Variants in BMPR2 observed in about 807,000 individuals in gnomAD.
BMPR2 encodes the protein bone morphogenetic protein receptor type-2.
BMPR2 carries 29 observed loss-of-function variants against 100.8 expected under a neutral mutation model. That is an observed-to-expected ratio of 0.29 (90% CI 0.21 to 0.39). The LOEUF (loss-of-function observed/expected upper bound fraction) is 0.39, where lower values mean the gene tolerates loss of function less well. Ranked by LOEUF, BMPR2 falls within the 10% of genes least tolerant of loss-of-function variation. BMPR2 has a pLI of 1.00. For synonymous variants in BMPR2, 382 were observed against 442.3 expected (o/e 0.86, Z 1.71); for missense variants, 1,011 against 1,274.5 (o/e 0.79, Z 3.15).
At chr2:202,492,700 CAAAAAAAAAA>C (rs1166246933) in intron 3 of BMPR2, among the ~76,000 whole-genome samples, 3 of 52,812 alleles carry the variant, frequency 5.7e-5, no homozygotes, top group Non-Finnish European at 9.4e-5. Flanking sequence ...AGCTCTGTCT[CAAAAAAAAAA>C]AAAAAAAAAA....
rs565736648 is a variant in BMPR2, at chr2:202,437,338, A to G, written c.77-27471A>G. On this transcript the variant is annotated intron_variant, in intron 1 of 12. Transcript: ENST00000374580. ...TAAATTTACCTCTTTAGGAATTTCA[A>G]CCTGACCATTTGTATCTCTTCTTAT... Among the ~76,000 whole-genome samples the G allele has an allele frequency of 7.6e-4, 114 of 150,888 alleles. 8 individuals carry two copies. The highest frequency in any genetic ancestry group is 2.7e-3 in the African/African-American group (110 of 40,188).
In BMPR2 at chr2:202,503,489, G is replaced by A. The variant is rs4338944; in HGVS notation, c.419-10230G>A. On this transcript the variant is annotated intron_variant, in intron 3 of 12. Coordinates refer to ENST00000374580, the MANE Select transcript of BMPR2 (RefSeq NM_001204.7). This position sits in a 1 kb window ranked among gnomAD's most constrained non-coding sequence, Gnocchi z 4.0. ...CCCCGCACTCGGAGCAGCCAGCCCC[G>A]GGCAATGAGGGGCTTAGCACCCAGG... Among the ~76,000 whole-genome samples the A allele has an allele frequency of 0.12, 18,118 of 152,302 alleles. 1,200 individuals are homozygous for A. Among genetic ancestry groups the A allele is most frequent in the Admixed American group, 0.14 (2,078 of 15,302 alleles).
chr2:202,544,392 G>A (rs896247459), intron 10 of BMPR2, among the ~76,000 whole-genome samples: 3 of 151,960 alleles, frequency 2.0e-5, no homozygotes, highest in Non-Finnish European at 4.4e-5. Flanking sequence ...CCTCACACTC[G>A]AGTAATAATC....
chr2:202,424,533 T>C (rs1691343627), intron 1 of BMPR2, among the ~76,000 whole-genome samples: 1 of 151,520 alleles, frequency 6.6e-6, no homozygotes. Context: ...CCGTCTCTAC[T>C]AAAAGTACAA....
intron 1 of BMPR2, among the ~76,000 whole-genome samples, chr2:202,394,742 T>C (rs1028169874): frequency 3.9e-5 from 6 of 152,140 alleles, no homozygotes; most frequent in Non-Finnish European, 2.9e-5. Flanking sequence ...GCTTTCTTTT[T>C]CATATATTTA....
rs138205822 is a variant in BMPR2, at chr2:202,461,254, A to G, written c.77-3555A>G. On this transcript the variant is annotated intron_variant, in intron 1 of 12. Transcript: ENST00000374580. ...TGTAATCCCAGCACTTTGGGAGGCC[A>G]AGGTGGGTGGATCACCTGAGGTCAG... is the stretch of plus-strand genomic sequence containing the variant. Among the ~76,000 whole-genome samples, 953 of 152,250 alleles carry G rather than the reference A, an allele frequency of 6.3e-3. 12 individuals carry two copies. Among genetic ancestry groups the G allele is most frequent in the African/African-American group, 0.021 (889 of 41,562 alleles).
chr2:202,520,446 C>T, intron 7 of BMPR2: 1 of 535,276 alleles, frequency 1.9e-6, no homozygotes, highest in Non-Finnish European at 3.3e-6. Flanking sequence ...CCTGGGCTAC[C>T]TGGAGGCTAT....
At chr2:202,454,683 A>G (rs1012674961) in intron 1 of BMPR2, among the ~76,000 whole-genome samples, 1 of 152,210 alleles carries the variant, frequency 6.6e-6, no homozygotes, top group Non-Finnish European at 1.5e-5. Context: ...TTTAATGGAC[A>G]AAACCAAAAC....
intron 1 of BMPR2, among the ~76,000 whole-genome samples, chr2:202,393,882 C>CGAGAGAGA (rs56708616): frequency 0.016 from 1,546 of 97,834 alleles, 173 homozygotes; most frequent in East Asian, 0.047. Context: ...AATGAGAGAG[C>CGAGAGAGA]GAGAGAGAGA....
chr2:202,485,802 C>T (rs1420870472), intron 3 of BMPR2, among the ~76,000 whole-genome samples: 1 of 151,864 alleles, frequency 6.6e-6, no homozygotes, highest in Non-Finnish European at 1.5e-5. Context: ...GCCTGGGCCT[C>T]CCAAAGTGCT....
At chr2:202,394,442 C>T (rs1235001576) in intron 1 of BMPR2, among the ~76,000 whole-genome samples, 1 of 151,910 alleles carries the variant, frequency 6.6e-6, no homozygotes, top group Non-Finnish European at 1.5e-5. Context: ...TAGATGCTTA[C>T]TAGAAGTAAC....
intron 3 of BMPR2, chr2:202,474,756 C>T (rs1431650054): frequency 6.6e-6 from 1 of 152,148 alleles, no homozygotes; most frequent in Non-Finnish European, 1.5e-5. Context: ...CTCCTGACCT[C>T]ATGATCCGCC....
In BMPR2 at chr2:202,436,712, T is replaced by G. The variant is rs75687070; in HGVS notation, c.77-28097T>G. Among the ~76,000 whole-genome samples, 24 of 150,624 alleles carry G rather than the reference T, an allele frequency of 1.6e-4. 3 individuals are homozygous for G. The highest frequency in any genetic ancestry group is 3.5e-4 in the African/African-American group (14 of 39,976). On this transcript the variant is annotated intron_variant, in intron 1 of 12. Coordinates refer to ENST00000374580, the MANE Select transcript of BMPR2 (RefSeq NM_001204.7). ...ACTTCTAGTTCTTTCCAAGTAATAT[T>G]TTATAATTCTAACTTATATATGTGG...
intron 1 of BMPR2, among the ~76,000 whole-genome samples, chr2:202,390,528 C>T (rs1044411822): frequency 6.6e-6 from 1 of 151,966 alleles, no homozygotes; most frequent in Non-Finnish European, 1.5e-5. Flanking sequence ...GACAGGGTTT[C>T]ACCATGTTGG....
chr2:202,524,577 C>G (rs1687874612), intron 7 of BMPR2, among the ~76,000 whole-genome samples: 1 of 151,978 alleles, frequency 6.6e-6, no homozygotes, highest in Non-Finnish European at 1.5e-5. Flanking sequence ...CCCAAGAGTT[C>G]AAGACCAACA....
chr2:202,542,838 C>T (rs1574500275), intron 10 of BMPR2, among the ~76,000 whole-genome samples: 3 of 152,114 alleles, frequency 2.0e-5, no homozygotes, highest in East Asian at 1.9e-4. Flanking sequence ...TTAGGCTAGA[C>T]CTGAAAAAAA....
Position 202,378,870 on chromosome 2 carries a change from A to G in BMPR2, c.76+1320A>G, listed in dbSNP as rs150188888. ...TGTAAAATATGGAGTAAAAGGCCTTAAACGTTCCATGAGCAGAAATCTCAG... is the reference window on the plus strand; with the variant it reads ...TGTAAAATATGGAGTAAAAGGCCTTGAACGTTCCATGAGCAGAAATCTCAG... On this transcript the variant is annotated intron_variant, in intron 1 of 12. Coordinates refer to ENST00000374580, the MANE Select transcript of BMPR2 (RefSeq NM_001204.7). Among the ~76,000 whole-genome samples, 367 of 152,316 alleles carry G rather than the reference A, an allele frequency of 2.4e-3. 2 individuals are homozygous for G. The highest frequency in any genetic ancestry group is 3.7e-3 in the Non-Finnish European group (254 of 68,026).
intron 1 of BMPR2, among the ~76,000 whole-genome samples, chr2:202,398,227 A>T (rs1014166172): frequency 6.6e-6 from 1 of 152,186 alleles, no homozygotes; most frequent in African/African-American, 2.4e-5. Context: ...CTTAAATGAG[A>T]CTGTAGATCA....
chr2:202,376,731 C>G lies in BMPR2; in HGVS notation c.-744C>G, dbSNP rs552618972. On this transcript the variant is annotated 5_prime_UTR_variant, in exon 1 of 13. Coordinates refer to ENST00000374580, the MANE Select transcript of BMPR2 (RefSeq NM_001204.7). ...CAGCCTCTCACACCCACTCCGCCTG[C>G]CGTCTCGGGGAGCCCGGACCGGGGC... Among the ~76,000 whole-genome samples, 16 of 151,060 alleles carry G rather than the reference C, an allele frequency of 1.1e-4. No homozygotes were observed. Among genetic ancestry groups the G allele is most frequent in the African/African-American group, 3.6e-4 (15 of 41,256 alleles).
Sources: allele counts gnomAD v4.1 joint callset (sites outside exome capture counted in the v4.1 genomes callset), GRCh38; gene constraint gnomAD v4.1.1; non-coding constraint Gnocchi (gnomAD v3.1); transcripts MANE v1.5; gene names NCBI Gene and HGNC (gene_info 2026-07-23, HGNC 2026-07-21).